Variants in ADGRG5 observed in about 807,000 individuals in gnomAD.
The protein encoded by ADGRG5 is G protein-coupled receptor 114.
Under a neutral mutation model 53.2 loss-of-function variants are expected in ADGRG5, and 37 were observed. The ratio of observed to expected loss-of-function variants is 0.70; its 90% CI spans 0.53 to 0.91. ADGRG5 has a LOEUF of 0.91. Among genes scored for constraint, ADGRG5 ranks in the 40% least tolerant of loss-of-function variants. The probability of loss-of-function intolerance (pLI) is 0.00; values close to 1 mark genes in which losing one functional copy is unlikely to be tolerated. For missense variants in ADGRG5, 614 were observed against 675.8 expected (o/e 0.91, Z 1.01); for synonymous variants, 277 against 290.4 (o/e 0.95, Z 0.47).
At chr16:57,537,611 G>C in the ADGRG5 span, among the ~76,000 whole-genome samples, 2 of 152,184 alleles carry the variant, frequency 1.3e-5, no homozygotes, top group East Asian at 1.9e-4. Flanking sequence ...ATATTTGAGA[G>C]CTTCCTCAAA....
chr16:57,531,050 C>G, the ADGRG5 span, among the ~76,000 whole-genome samples: 2 of 151,956 alleles, frequency 1.3e-5, no homozygotes, highest in Non-Finnish European at 2.9e-5. Context: ...ATGCGGCTGT[C>G]ATCGGGCCCT....
At chr16:57,563,462 C>T (rs2033053601) in intron 4 of ADGRG5, among the ~76,000 whole-genome samples, 1 of 152,244 alleles carries the variant, frequency 6.6e-6, no homozygotes, top group Non-Finnish European at 1.5e-5. Flanking sequence ...ATTGCCCCTG[C>T]AGGGCAGAAT....
rs2033051694 is a variant in ADGRG5 at position 57,563,364 on chromosome 16, C to T, written c.297+117C>T. 8.0e-6 allele frequency: 7 copies of T among 872,914 alleles called. No homozygotes were observed. The South Asian group carries it at 8.9e-5, about 11-fold the overall frequency. 54.1% of individuals were successfully genotyped at this position (872,914 alleles called of 1,614,324 possible). On this transcript the variant is annotated intron_variant, in intron 4 of 11. Coordinates refer to ENST00000349457, the MANE Select transcript of ADGRG5 (RefSeq NM_001304376.3). ...GTCTTCCTCCCCACACCCCACAGTC[C>T]AGGCTCTGCCCTAACTGGCAGTGAG... is the stretch of plus-strand genomic sequence containing the variant.
upstream of ADGRG5, among the ~76,000 whole-genome samples, chr16:57,541,777 C>T (rs976743300): frequency 6.6e-6 from 1 of 152,222 alleles, no homozygotes. Flanking sequence ...CCAACACTCT[C>T]TCTCTATCCC....
At chr16:57,533,114 C>T in the ADGRG5 span, among the ~76,000 whole-genome samples, 2 of 152,192 alleles carry the variant, frequency 1.3e-5, no homozygotes, top group Non-Finnish European at 2.9e-5. Context: ...ATGCTAAAGG[C>T]AGAGATGGGG....
chr16:57,536,166 G>A, the ADGRG5 span, among the ~76,000 whole-genome samples: 1 of 152,054 alleles, frequency 6.6e-6, no homozygotes, highest in African/African-American at 2.4e-5. Context: ...TGGCGACCAC[G>A]TTGGGTCCCC....
chr16:57,555,957 C>T (rs745497975), intron 1 of ADGRG5, among the ~76,000 whole-genome samples: 1 of 151,974 alleles, frequency 6.6e-6, no homozygotes, highest in Non-Finnish European at 1.5e-5. Flanking sequence ...GCACTTCCCC[C>T]TTCTCTCTCT....
At chr16:57,532,616 G>A in the ADGRG5 span, among the ~76,000 whole-genome samples, 1 of 151,860 alleles carries the variant, frequency 6.6e-6, no homozygotes, top group Non-Finnish European at 1.5e-5. Context: ...ACACAGACAC[G>A]CCTGAAGACA....
rs183536165 is a variant in ADGRG5, at chr16:57,560,976, G to T, written c.-38-1080G>T. Among the ~76,000 whole-genome samples, 134 of 152,082 alleles carry T rather than the reference G, an allele frequency of 8.8e-4. 1 individual carries two copies. The highest frequency in any genetic ancestry group is 3.4e-3 in the Middle Eastern group (1 of 292). On this transcript the variant is annotated intron_variant, in intron 1 of 11. Transcript: ENST00000349457. ...TTTCTTTTTGTAGAATCAGGGTTTT[G>T]CCATGTTGCCCAGGCTGGTCTGGAA...
chr16:57,559,290 CA>C (rs1347038218), intron 1 of ADGRG5, among the ~76,000 whole-genome samples: 4 of 152,212 alleles, frequency 2.6e-5, no homozygotes, highest in African/African-American at 9.7e-5. Context: ...AGCCAGGGTG[CA>C]GGTGTTTATC....
intron 7 of ADGRG5, 130 bp downstream of exon 7, chr16:57,566,881 A>T (rs2033147449): frequency 1.3e-6 from 1 of 775,984 alleles, no homozygotes; most frequent in African/African-American, 1.8e-5. Flanking sequence ...AACAAAAAAA[A>T]CTTTATGGAC....
chr16:57,560,656 CTT>C (rs1381982161), intron 1 of ADGRG5, among the ~76,000 whole-genome samples: 23 of 152,146 alleles, frequency 1.5e-4, no homozygotes, highest in Non-Finnish European at 2.5e-4. Flanking sequence ...AGAGAGTAAA[CTT>C]TGTGTGGAGC....
At chr16:57,573,627 TGAG>T (rs1231747761) in intron 10 of ADGRG5, among the ~76,000 whole-genome samples, 3 of 152,188 alleles carry the variant, frequency 2.0e-5, no homozygotes, top group African/African-American at 7.2e-5. Context: ...CCTCTGTAAA[TGAG>T]GAGGATGAAG....
At chr16:57,544,495 C>G (rs1316300254) in intron 1 of ADGRG5, among the ~76,000 whole-genome samples, 1 of 152,156 alleles carries the variant, frequency 6.6e-6, no homozygotes, top group Non-Finnish European at 1.5e-5. Flanking sequence ...GGTATCACTT[C>G]TGCTTTGGCC....
At chr16:57,552,008 A>G (rs1163760317) in intron 1 of ADGRG5, among the ~76,000 whole-genome samples, 2 of 149,212 alleles carry the variant, frequency 1.3e-5, no homozygotes, top group African/African-American at 5.0e-5. Flanking sequence ...GTCGATGAGC[A>G]GAAATATTTT....
intron 5 of ADGRG5, 109 bp downstream of exon 5, chr16:57,564,088 C>A: frequency 8.2e-7 from 1 of 1,217,516 alleles, no homozygotes; most frequent in Non-Finnish European, 1.2e-6. Flanking sequence ...TGAGTGAGAC[C>A]AACCAGCCAT....
chr16:57,569,761 GTCACCTCCTCCACCTCCATCATCACCA>G (rs2033290389), intron 9 of ADGRG5, among the ~76,000 whole-genome samples: 1 of 82,430 alleles, frequency 1.2e-5, no homozygotes, highest in Admixed American at 1.2e-4. Context: ...CATCACCATC[GTCACCTCCTCCACCTCCATCATCACCA>G]TCACCTCCTC....
intron 1 of ADGRG5, among the ~76,000 whole-genome samples, chr16:57,557,877 A>G (rs1050531581): frequency 2.0e-5 from 3 of 152,162 alleles, no homozygotes; most frequent in Non-Finnish European, 4.4e-5. Context: ...TTAGAGGTTT[A>G]CCTTTTCCAC....
At chr16:57,560,921 T>C (rs7191032) in intron 1 of ADGRG5, among the ~76,000 whole-genome samples, 64,952 of 151,946 alleles carry the variant, frequency 0.43, 15,024 homozygotes, top group East Asian at 0.69. Flanking sequence ...GAGACACAAG[T>C]GCAGGCCACC....
Sources: gnomAD v4.1 joint callset for allele counts (sites outside exome capture counted in the v4.1 genomes callset) on GRCh38, gnomAD v4.1.1 for gene constraint, MANE v1.5 for transcripts, NCBI Gene and HGNC (gene_info 2026-07-23, HGNC 2026-07-21) for gene names.